RCOR1: variants seen among roughly 807,000 people sequenced by gnomAD.
RCOR1 encodes REST corepressor 1.
In RCOR1, 12 loss-of-function variants were observed where a neutral mutation model predicts 64.0. That is an observed-to-expected ratio of 0.19 (90% CI 0.12 to 0.30). The LOEUF (loss-of-function observed/expected upper bound fraction) is 0.30, where lower values mean the gene tolerates loss of function less well. RCOR1 is among the 10% of genes least tolerant of loss of function. The probability of loss-of-function intolerance (pLI) is 1.00; values close to 1 mark genes in which losing one functional copy is unlikely to be tolerated. For synonymous variants in RCOR1, 279 were observed against 227.2 expected, an observed-to-expected ratio of 1.23 and a Z score of -2.05; for missense variants, 502 against 621.2, an observed-to-expected ratio of 0.81 and a Z score of 2.04.
chr14:102,635,266 G>C (rs796678660), intron 2 of RCOR1, among the ~76,000 whole-genome samples: 21 of 152,258 alleles, frequency 1.4e-4, no homozygotes, highest in African/African-American at 5.1e-4. Flanking sequence ...CACTTTGGGC[G>C]GCCCAGGCGG....
chr14:102,653,842 T>G (rs916919853), intron 2 of RCOR1, among the ~76,000 whole-genome samples: 1 of 151,992 alleles, frequency 6.6e-6, no homozygotes, highest in Non-Finnish European at 1.5e-5. Context: ...GCATCATGCT[T>G]CCTGTACAGC....
At chr14:102,699,755 A>T (rs1442471588) in intron 3 of RCOR1, among the ~76,000 whole-genome samples, 1 of 144,014 alleles carries the variant, frequency 6.9e-6, no homozygotes, top group African/African-American at 2.5e-5. Flanking sequence ...ATGCTCCTTG[A>T]TTTTTTTTTT....
chr14:102,639,997 C>T (rs1177030881), intron 2 of RCOR1, among the ~76,000 whole-genome samples: 1 of 152,196 alleles, frequency 6.6e-6, no homozygotes, highest in African/African-American at 2.4e-5. Flanking sequence ...AGGCATCTGC[C>T]ACCACACCCG....
At chr14:102,597,031 C>T (rs557109381) in intron 2 of RCOR1, among the ~76,000 whole-genome samples, 48 of 151,804 alleles carry the variant, frequency 3.2e-4, no homozygotes, top group African/African-American at 1.1e-3. Context: ...TGCCACCATG[C>T]CTGGCTAATT....
intron 3 of RCOR1, among the ~76,000 whole-genome samples, chr14:102,693,759 C>T (rs1244520788): frequency 1.3e-5 from 2 of 152,178 alleles, no homozygotes; most frequent in African/African-American, 4.8e-5. Context: ...GGGTCCCCTT[C>T]TTTGTTTGGA....
chr14:102,594,060 G>C (rs1893191760), intron 2 of RCOR1, among the ~76,000 whole-genome samples: 1 of 152,126 alleles, frequency 6.6e-6, no homozygotes, highest in Non-Finnish European at 1.5e-5. Flanking sequence ...CCCTAGAATG[G>C]AACACTTAGT....
intron 3 of RCOR1, among the ~76,000 whole-genome samples, chr14:102,684,120 T>G (rs113707160): frequency 0.014 from 2,137 of 152,220 alleles, 52 homozygotes; most frequent in African/African-American, 0.05. Context: ...AGAATCCAAC[T>G]CGCACGGGAG....
chr14:102,683,589 G>A (rs1215880331), intron 3 of RCOR1, among the ~76,000 whole-genome samples: 1 of 152,252 alleles, frequency 6.6e-6, no homozygotes, highest in East Asian at 1.9e-4. Context: ...TTCCCCGGGG[G>A]TCCCAAGCAA....
chr14:102,684,251 T>C (rs1281046049), intron 3 of RCOR1, among the ~76,000 whole-genome samples: 1 of 152,196 alleles, frequency 6.6e-6, no homozygotes, highest in Non-Finnish European at 1.5e-5. Context: ...AAGCAAGGGC[T>C]CATCGGTAGT....
chr14:102,649,757 G>T lies in RCOR1; in HGVS notation c.362-32138G>T. The T allele has an allele frequency of 6.1e-6, 6 of 983,980 alleles. No homozygotes were observed. In the South Asian group the frequency reaches 2.8e-4, roughly 46 times the overall value. The allele number at this position is 983,980 out of a possible 1,614,324, so 61.0% of individuals were successfully genotyped here. A position where few individuals can be genotyped will look rare whatever the true frequency, so the allele number is the denominator to read the frequency against. On this transcript the variant is annotated intron_variant, in intron 2 of 11. Coordinates refer to ENST00000262241, the MANE Select transcript of RCOR1 (RefSeq NM_015156.4). ...GATGACCTTCCTGTAGAGCCATTTA[G>T]TTGCTTATATTAGCTAGAATGGGCT...
At chr14:102,718,653 T>C (rs1444845209) in intron 8 of RCOR1, among the ~76,000 whole-genome samples, 3 of 152,212 alleles carry the variant, frequency 2.0e-5, no homozygotes, top group Non-Finnish European at 4.4e-5. Context: ...TCTTGTTTTT[T>C]CTTTAAGTGT....
rs539429249 is a variant in RCOR1, at chr14:102,693,936, C to T, written c.446-7342C>T. ...AAACTCCTGGGCTCAAGTAATCCTC[C>T]CGTCTTGGCTTATCAAAGTGCTGGG... On this transcript the variant is annotated intron_variant, in intron 3 of 11. Coordinates refer to ENST00000262241, the MANE Select transcript of RCOR1 (RefSeq NM_015156.4). Among the ~76,000 whole-genome samples the T allele has an allele frequency of 3.3e-4, 50 of 152,140 alleles. 1 individual carries two copies. The highest frequency in any genetic ancestry group is 1.2e-3 in the African/African-American group (49 of 41,512).
intron 2 of RCOR1, chr14:102,658,431 T>G: frequency 1.4e-6 from 1 of 725,492 alleles, no homozygotes; most frequent in Non-Finnish European, 1.7e-6. Flanking sequence ...GAAGTTGCAG[T>G]GAGCCAAGAT....
chr14:102,650,210 A>G (rs1025320831), intron 2 of RCOR1, among the ~76,000 whole-genome samples: 3 of 151,308 alleles, frequency 2.0e-5, no homozygotes, highest in African/African-American at 7.3e-5. Flanking sequence ...AAAAAAAAAA[A>G]AAAAGAATCA....
At chr14:102,635,601 A>G (rs990117640) in intron 2 of RCOR1, among the ~76,000 whole-genome samples, 1 of 152,230 alleles carries the variant, frequency 6.6e-6, no homozygotes. Context: ...ATTGTATGCA[A>G]TAATGATTGC....
intron 8 of RCOR1, among the ~76,000 whole-genome samples, chr14:102,718,294 G>A (rs1896106994): frequency 6.6e-6 from 1 of 152,186 alleles, no homozygotes; most frequent in African/African-American, 2.4e-5. Flanking sequence ...AGGTGGGGGT[G>A]GAGGTAACCT....
intron 2 of RCOR1, among the ~76,000 whole-genome samples, chr14:102,620,901 C>A (rs1193209191): frequency 6.6e-6 from 1 of 152,128 alleles, no homozygotes; most frequent in Non-Finnish European, 1.5e-5. Context: ...CTCTCCTAAC[C>A]TACCTATCTG....
chr14:102,594,007 C>T (rs1418589757), intron 2 of RCOR1, among the ~76,000 whole-genome samples: 1 of 152,142 alleles, frequency 6.6e-6, no homozygotes, highest in Non-Finnish European at 1.5e-5. Context: ...GCATCAGAAG[C>T]TTTAGCCTAA....
chr14:102,634,211 A>G (rs1894185910), intron 2 of RCOR1, among the ~76,000 whole-genome samples: 1 of 152,118 alleles, frequency 6.6e-6, no homozygotes, highest in African/African-American at 2.4e-5. Context: ...AATCCTGACT[A>G]CAGTATAAAA....
Sources: gnomAD v4.1 joint callset for allele counts (sites outside exome capture counted in the v4.1 genomes callset) on GRCh38, gnomAD v4.1.1 for gene constraint, MANE v1.5 for transcripts, NCBI Gene and HGNC (gene_info 2026-07-23, HGNC 2026-07-21) for gene names.